PMF1: variants seen among roughly 807,000 people sequenced by gnomAD.
PMF1 encodes polyamine-modulated factor 1.
A neutral mutation model predicts 26.7 loss-of-function variants in PMF1; 21 were observed. The observed-to-expected ratio is 0.79, with a 90% CI of 0.56 to 1.13. The LOEUF (loss-of-function observed/expected upper bound fraction) is 1.13. Ranked by LOEUF, PMF1 falls within the 50% of genes most tolerant of loss-of-function variation. PMF1 has a pLI of 0.00. For synonymous variants in PMF1, 105 were observed against 101.0 expected, an observed-to-expected ratio of 1.04 and a Z score of -0.24; for missense variants, 266 against 254.9, an observed-to-expected ratio of 1.04 and a Z score of -0.30.
chr1:156,233,775 A>G (rs1339779231), intron 3 of PMF1, 47 bp downstream of exon 3: 1 of 1,505,688 alleles, frequency 6.6e-7, no homozygotes, highest in Non-Finnish European at 9.0e-7. Flanking sequence ...AGAGGCAGCA[A>G]TTAAGCTTTT....
At chr1:156,232,508 C>A in intron 2 of PMF1, 83 bp downstream of exon 2, 1 of 1,307,228 alleles carries the variant, frequency 7.6e-7, no homozygotes. Context: ...GTGGCCCCAC[C>A]CTCTACACCT....
chr1:156,229,239 G>C (rs1056905742), intron 1 of PMF1, among the ~76,000 whole-genome samples: 1 of 151,904 alleles, frequency 6.6e-6, no homozygotes, highest in African/African-American at 2.4e-5. Context: ...CCTAAGCTTA[G>C]CTTCCAAGGT....
Position 156,213,155 on chromosome 1 carries a change from A to G in PMF1, c.140A>G (p.Gln47Arg). 1 of 1,613,696 alleles carries G rather than the reference A, an allele frequency of 6.2e-7. No homozygotes were observed. Among genetic ancestry groups the G allele is most frequent in the Non-Finnish European group, 8.5e-7 (1 of 1,179,608 alleles). The change falls in exon 1 of 5, where the codon CAG becomes CGG. Residue 47 changes from glutamine (Q) to arginine (R), a missense_variant. Coordinates refer to ENST00000368277, the MANE Select transcript of PMF1 (RefSeq NM_007221.4). The stretch of plus-strand genomic sequence containing the variant: ...GACACCATGGTGGACACTTTTCTTC[A>G]GAAGCTGGTCGCCGCCGGCAGGTAA... The part of the protein sequence containing the change: ...LLDTMVDTFL[Q>R]KLVAAGSYQR...
intron 3 of PMF1, among the ~76,000 whole-genome samples, chr1:156,234,220 G>A (rs952493345): frequency 4.6e-5 from 7 of 152,228 alleles, no homozygotes; most frequent in Non-Finnish European, 7.3e-5. Context: ...GTACCGCATA[G>A]TTCCCTTCAG....
chr1:156,218,031 C>T (rs933492233), intron 1 of PMF1, among the ~76,000 whole-genome samples: 1 of 152,346 alleles, frequency 6.6e-6, no homozygotes, highest in Non-Finnish European at 1.5e-5. Context: ...TTCTCACCGT[C>T]ACTGGGTTTT....
intron 1 of PMF1, among the ~76,000 whole-genome samples, chr1:156,227,551 T>TA (rs1260148174): frequency 6.6e-6 from 1 of 150,884 alleles, no homozygotes; most frequent in Non-Finnish European, 1.5e-5. Flanking sequence ...GGCTAGAGTA[T>TA]AGTGGTGCGA....
At chr1:156,218,488 A>G (rs1657898338) in intron 1 of PMF1, among the ~76,000 whole-genome samples, 3 of 152,196 alleles carry the variant, frequency 2.0e-5, no homozygotes, top group Non-Finnish European at 2.9e-5. Flanking sequence ...ATTTAAAAAA[A>G]TGCCAGATAT....
intron 1 of PMF1, among the ~76,000 whole-genome samples, chr1:156,227,268 C>A (rs1046769976): frequency 7.2e-4 from 110 of 151,922 alleles, no homozygotes; most frequent in African/African-American, 2.6e-3. Flanking sequence ...CTTTGGAAGG[C>A]CGAGGTGGGT....
At chr1:156,217,103 G>A (rs1657797989) in intron 1 of PMF1, among the ~76,000 whole-genome samples, 1 of 151,338 alleles carries the variant, frequency 6.6e-6, no homozygotes, top group Non-Finnish European at 1.5e-5. Flanking sequence ...GGAGCGGGGA[G>A]GGATAGCATT....
intron 2 of PMF1, 85 bp downstream of exon 2, chr1:156,232,510 TC>T: frequency 3.9e-6 from 5 of 1,298,414 alleles, no homozygotes; most frequent in Non-Finnish European, 3.3e-6. Context: ...GGCCCCACCC[TC>T]TACACCTCTG....
At chr1:156,213,224 C>A in intron 1 of PMF1, 48 bp downstream of exon 1, 1 of 1,597,940 alleles carries the variant, frequency 6.3e-7, no homozygotes, top group South Asian at 1.1e-5. Context: ...CACCGAAGCT[C>A]AAATCCCGCG....
intron 1 of PMF1, among the ~76,000 whole-genome samples, chr1:156,231,017 C>G (rs1460033821): frequency 6.6e-6 from 1 of 151,988 alleles, no homozygotes; most frequent in African/African-American, 2.4e-5. Flanking sequence ...AGATCAAGAC[C>G]ATCCTAGCTA....
intron 1 of PMF1, among the ~76,000 whole-genome samples, chr1:156,225,866 T>A (rs1658347181): frequency 6.6e-6 from 1 of 152,206 alleles, no homozygotes. Context: ...TTATTTGTTA[T>A]TTTTTTGAGG....
At chr1:156,213,358 C>A (rs949666139) in intron 1 of PMF1, among the ~76,000 whole-genome samples, 182 bp downstream of exon 1, 2 of 152,230 alleles carry the variant, frequency 1.3e-5, no homozygotes, top group African/African-American at 4.8e-5. Flanking sequence ...CACTGATAAC[C>A]TGTAGCGGAC....
Position 156,232,364 on chromosome 1 carries a change from A to G in PMF1, c.206A>G (p.Gln69Arg). ...TDCYKCFYQL[Q>R]PAMTQQIYDK... ...TGCTATAAGTGCTTCTACCAGTTGCAGCCTGCGATGACACAGCAAATCTAT... is the reference window on the plus strand; with the variant it reads ...TGCTATAAGTGCTTCTACCAGTTGCGGCCTGCGATGACACAGCAAATCTAT... The change falls in exon 2 of 5, where the codon CAG becomes CGG. Residue 69 changes from glutamine to arginine, a missense_variant. Physicochemically the swap from Gln to Arg is conservative, Grantham distance 43. Coordinates refer to ENST00000368277, the MANE Select transcript of PMF1 (RefSeq NM_007221.4). 1 of 1,614,096 alleles carries G rather than the reference A, an allele frequency of 6.2e-7. No homozygotes were observed. The highest frequency in any genetic ancestry group is 8.5e-7 in the Non-Finnish European group (1 of 1,179,922).
At position 156,213,091 on chromosome 1, in the gene PMF1, G is replaced by A. The variant is rs765440844; in HGVS notation, c.76G>A (p.Val26Met). ...KRHEGSSSES[V>M]PPGTTISRVK... ...GCATGAGGGGTCGTCTTCGGAATCT[G>A]TGCCACCCGGCACTACCATTTCGAG... is the stretch of plus-strand genomic sequence containing the variant. Residue 26 changes from valine to methionine, a missense_variant, in exon 1 of 5, where the codon GTG becomes ATG. By Grantham distance (21) the Val-to-Met change is conservative. Transcript: ENST00000368277. The A allele has an allele frequency of 5.0e-6, 8 of 1,614,232 alleles. No individual in the cohort carries two copies. Among genetic ancestry groups the A allele is most frequent in the African/African-American group, 1.3e-5 (1 of 75,080 alleles).
intron 1 of PMF1, among the ~76,000 whole-genome samples, chr1:156,227,957 G>A (rs1192251053): frequency 7.9e-6 from 1 of 127,286 alleles, no homozygotes; most frequent in Non-Finnish European, 1.7e-5. Context: ...TTTTTGAGAC[G>A]GAGTTTCATT....
chr1:156,234,948 C>T (rs192128126), intron 3 of PMF1, among the ~76,000 whole-genome samples: 2 of 152,186 alleles, frequency 1.3e-5, no homozygotes, highest in South Asian at 2.1e-4. Flanking sequence ...TGGGATGAGC[C>T]GTGGAGAGCA....
At chr1:156,214,807 G>A (rs2244144) in intron 1 of PMF1, among the ~76,000 whole-genome samples, 45,483 of 150,802 alleles carry the variant, frequency 0.3, 7,074 homozygotes, top group Non-Finnish European at 0.34. Flanking sequence ...TGCTTGGGGC[G>A]CCCATTCTGA....
Sources: gnomAD v4.1 joint callset for allele counts (sites outside exome capture counted in the v4.1 genomes callset) on GRCh38, gnomAD v4.1.1 for gene constraint, MANE v1.5 for transcripts, NCBI Gene and HGNC (gene_info 2026-07-23, HGNC 2026-07-21) for gene names.